DNM3: variants seen among roughly 807,000 people sequenced by gnomAD.
DNM3 encodes the protein dynamin-3.
DNM3 carries 47 observed loss-of-function variants against 101.6 expected under a neutral mutation model. That is an observed-to-expected ratio of 0.46 (90% confidence interval 0.37 to 0.59). DNM3 has a LOEUF of 0.59. DNM3 is among the 20% of genes least tolerant of loss of function. The pLI is 0.00. For synonymous variants in DNM3, 385 were observed against 387.9 expected, an observed-to-expected ratio of 0.99 and a Z score of 0.09; for missense variants, 849 against 1,085.7, an observed-to-expected ratio of 0.78 and a Z score of 3.06.
At chr1:172,148,321 A>G (rs1274378436) in intron 14 of DNM3, among the ~76,000 whole-genome samples, 1 of 148,488 alleles carries the variant, frequency 6.7e-6, no homozygotes, top group Non-Finnish European at 1.5e-5. Context: ...TGACTGGCTG[A>G]TGGTAGTCCA....
chr1:172,377,200 T>A (rs1466613806), intron 17 of DNM3, among the ~76,000 whole-genome samples: 1 of 147,060 alleles, frequency 6.8e-6, no homozygotes, highest in Non-Finnish European at 1.5e-5. Flanking sequence ...ATCTAACATT[T>A]ATTGAACAAA....
chr1:172,196,320 A>G (rs762889966), intron 14 of DNM3, among the ~76,000 whole-genome samples: 15 of 151,632 alleles, frequency 9.9e-5, no homozygotes, highest in Non-Finnish European at 1.9e-4. Flanking sequence ...ACAGGCCTAT[A>G]GATTTATTCC....
intron 4 of DNM3, among the ~76,000 whole-genome samples, chr1:172,020,492 G>GGTCA (rs1558432832): frequency 1.2e-4 from 18 of 151,874 alleles, no homozygotes; most frequent in Non-Finnish European, 2.6e-4. Context: ...AGGCTGAGGC[G>GGTCA]GGCATATCAC....
At chr1:172,021,958 ACTTG>A (rs1188768117) in intron 4 of DNM3, among the ~76,000 whole-genome samples, 1 of 152,230 alleles carries the variant, frequency 6.6e-6, no homozygotes, top group Non-Finnish European at 1.5e-5. Flanking sequence ...GGAATTCTGT[ACTTG>A]CCAGAGACAT....
intron 1 of DNM3, 86 bp from the exon 2 acceptor site, chr1:171,921,662 G>A (rs748882444): frequency 1.2e-5 from 13 of 1,050,998 alleles, no homozygotes; most frequent in Middle Eastern, 2.5e-4. Context: ...TTGGGAATTA[G>A]GAGAATTGCT....
At chr1:171,951,153 T>C (rs2042500307) in intron 2 of DNM3, among the ~76,000 whole-genome samples, 1 of 152,228 alleles carries the variant, frequency 6.6e-6, no homozygotes, top group Admixed American at 6.6e-5. Flanking sequence ...TGTTCAGTAC[T>C]TACTTCAAAT....
intron 13 of DNM3, among the ~76,000 whole-genome samples, chr1:172,113,126 G>A (rs1446087875): frequency 6.6e-6 from 1 of 152,164 alleles, no homozygotes; most frequent in African/African-American, 2.4e-5. Flanking sequence ...GGTTTCCTTA[G>A]TGAAAGATTT....
intron 15 of DNM3, among the ~76,000 whole-genome samples, chr1:172,275,033 G>C (rs1192451425): frequency 6.6e-6 from 1 of 152,032 alleles, no homozygotes; most frequent in Non-Finnish European, 1.5e-5. Context: ...CAAATGTAAG[G>C]TTGAATTTGC....
intron 15 of DNM3, among the ~76,000 whole-genome samples, chr1:172,257,074 A>T (rs1235008385): frequency 6.6e-6 from 1 of 152,060 alleles, no homozygotes; most frequent in Admixed American, 6.6e-5. Flanking sequence ...ATGTACATTT[A>T]CTAGCTTGGA....
At chr1:171,941,030 G>A (rs1286266175) in intron 2 of DNM3, among the ~76,000 whole-genome samples, 1 of 151,780 alleles carries the variant, frequency 6.6e-6, no homozygotes, top group East Asian at 1.9e-4. Context: ...AAATTATTTT[G>A]TATCTGTGCT....
intron 14 of DNM3, 75 bp downstream of exon 14, chr1:172,131,363 T>C (rs2056926756): frequency 7.6e-7 from 1 of 1,320,392 alleles, no homozygotes; most frequent in Admixed American, 2.0e-5. Flanking sequence ...TATTATACTA[T>C]GCAATTTTGA....
At chr1:171,884,492 A>G (rs2036591943) in intron 1 of DNM3, among the ~76,000 whole-genome samples, 1 of 152,206 alleles carries the variant, frequency 6.6e-6, no homozygotes, top group Non-Finnish European at 1.5e-5. Flanking sequence ...ACTGGGTTTT[A>G]TATGCATTAG....
At chr1:172,378,715 A>G (rs1166986572) in intron 17 of DNM3, among the ~76,000 whole-genome samples, 1 of 152,074 alleles carries the variant, frequency 6.6e-6, no homozygotes, top group African/African-American at 2.4e-5. Context: ...GCTTAAGATT[A>G]GATTGTTCTC....
At chr1:172,399,704 G>GA (rs1489392895) in intron 20 of DNM3, 2 of 151,360 alleles carry the variant, frequency 1.3e-5, no homozygotes, top group Non-Finnish European at 2.9e-5. Context: ...CCTCCTGCTG[G>GA]ATTTAAAAAA....
chr1:172,191,858 G>A (rs560335641), intron 14 of DNM3, among the ~76,000 whole-genome samples: 38 of 152,176 alleles, frequency 2.5e-4, no homozygotes, highest in East Asian at 2.1e-3. Context: ...GTTTTTGCAC[G>A]TTGATTTTGT....
intron 10 of DNM3, among the ~76,000 whole-genome samples, chr1:172,059,490 A>C (rs1435939916): frequency 2.0e-5 from 2 of 99,500 alleles, no homozygotes; most frequent in Non-Finnish European, 3.8e-5. Flanking sequence ...CAAAAAGCTT[A>C]TCCACCATGA....
rs532619312 is a variant in DNM3, at chr1:172,080,195, C to T, written c.1423-1637C>T. Reference sequence around the variant, plus strand: ...TCTCTTCAGAGCTGGCAGGCAGGAACATTTAAGTCTGCTGAAGTTGCACCC... The same window carrying T: ...TCTCTTCAGAGCTGGCAGGCAGGAATATTTAAGTCTGCTGAAGTTGCACCC... On this transcript the variant is annotated intron_variant, in intron 11 of 20. Coordinates refer to ENST00000627582, the MANE Select transcript of DNM3 (RefSeq NM_015569.5). 2.0e-5 allele frequency among the ~76,000 whole-genome samples: 3 copies of T among 152,292 alleles called. No individual in the cohort carries two copies. The East Asian group carries it at 5.8e-4, about 29-fold the overall frequency.
At chr1:172,032,235 C>T (rs1330312751) in intron 4 of DNM3, among the ~76,000 whole-genome samples, 167 bp from the exon 5 acceptor site, 1 of 151,954 alleles carries the variant, frequency 6.6e-6, no homozygotes, top group African/African-American at 2.4e-5. Flanking sequence ...TCCTCCTCAT[C>T]ACACTGAAAT....
At chr1:172,091,400 G>A (rs1160406168) in intron 12 of DNM3, among the ~76,000 whole-genome samples, 2 of 152,204 alleles carry the variant, frequency 1.3e-5, no homozygotes, top group East Asian at 3.8e-4. Flanking sequence ...GATAGTCTTG[G>A]AGGAAGGGAG....
Sources: allele counts gnomAD v4.1 joint callset (sites outside exome capture counted in the v4.1 genomes callset), GRCh38; gene constraint gnomAD v4.1.1; transcripts MANE v1.5; gene names NCBI Gene and HGNC (gene_info 2026-07-23, HGNC 2026-07-21).